The following ANXA4 variants were observed in gnomAD, a reference collection of about 807,000 sequenced individuals.
ANXA4 encodes 35-beta calcimedin.
A neutral mutation model predicts 49.8 loss-of-function variants in ANXA4; 39 were observed. The ratio of observed to expected loss-of-function variants is 0.78; its 90% CI spans 0.61 to 1.02. The LOEUF (loss-of-function observed/expected upper bound fraction) is 1.02, where lower values mean the gene tolerates loss of function less well. Ranked by LOEUF, ANXA4 falls within the 50% of genes least tolerant of loss-of-function variation. The probability of loss-of-function intolerance (pLI) is 0.00; values close to 1 mark genes in which losing one functional copy is unlikely to be tolerated. For synonymous variants in ANXA4, 134 were observed against 152.5 expected (o/e 0.88, Z 0.89); for missense variants, 360 against 410.1 (o/e 0.88, Z 1.05).
At chr2:69,697,139 C>T (rs546931942) in intron 2 of ANXA4, among the ~76,000 whole-genome samples, 6 of 152,298 alleles carry the variant, frequency 3.9e-5, no homozygotes, top group East Asian at 1.9e-4. Flanking sequence ...TCATCTCCAT[C>T]GAAAATCTAT....
rs114076538 is a variant in ANXA4 at position 69,652,423 on chromosome 2, T to C, written n.482-575T>C. Among the ~76,000 whole-genome samples, 961 of 152,346 alleles carry C rather than the reference T, an allele frequency of 6.3e-3. 14 individuals carry two copies. Among genetic ancestry groups the C allele is most frequent in the African/African-American group, 0.022 (903 of 41,588 alleles). ...CATCCTTAGATGAGCAGTGTTGCTA[T>C]GAGTCAATCTTTTTCTTTTAAAGAC... On this transcript the variant is annotated intron_variant and non_coding_transcript_variant, in intron 1 of 3. Coordinates refer to the ANXA4 transcript ENST00000418066.
intron 2 of ANXA4, among the ~76,000 whole-genome samples, chr2:69,680,556 C>T (rs1324038629): frequency 6.6e-6 from 1 of 152,106 alleles, no homozygotes; most frequent in East Asian, 1.9e-4. Context: ...AGGAGTGGTG[C>T]AAGTGGGCAT....
intron 2 of ANXA4, among the ~76,000 whole-genome samples, chr2:69,659,173 T>C (rs944003297): frequency 3.3e-5 from 5 of 152,206 alleles, no homozygotes; most frequent in African/African-American, 9.7e-5. Flanking sequence ...AATACAAATA[T>C]GTGTTCATAT....
rs573067420 is a variant in ANXA4 at position 69,714,943 on chromosome 2, C to A, written n.767-5831C>A. On this transcript the variant is annotated intron_variant and non_coding_transcript_variant, in intron 2 of 3. Transcript: ENST00000418066. The stretch of plus-strand genomic sequence containing the variant: ...TCCCTCCAGGGTGACACAGTGAAGT[C>A]AAGTAACAGATGTGGAGATGCTTTG... Among the ~76,000 whole-genome samples the A allele has an allele frequency of 1.0e-3, 154 of 152,252 alleles. 3 individuals carry two copies. The South Asian group carries it at 0.031, about 31-fold the overall frequency.
At position 69,804,542 on chromosome 2, in the gene ANXA4, A is replaced by G. The variant is rs1175309124; in HGVS notation, c.107A>G (p.Glu36Gly). Residue 36 changes from glutamate (E) to glycine (G), a missense_variant, in exon 4 of 13, where the codon GAA becomes GGA. Glu to Gly is a moderately conservative substitution (Grantham distance 98). Transcript: ENST00000394295. ...RKAMKGLGTDEDAIISVLAYR... is the reference protein window; with the variant it reads ...RKAMKGLGTDGDAIISVLAYR... ...TCCCTTCTTCCCCCAGGCACCGATG[A>G]AGACGCCATTATTAGCGTCCTTGCC... is the stretch of plus-strand genomic sequence containing the variant. The G allele has an allele frequency of 6.2e-7, 1 of 1,613,838 alleles. No homozygotes were observed. Among genetic ancestry groups the G allele is most frequent in the Non-Finnish European group, 8.5e-7 (1 of 1,179,852 alleles).
chr2:69,805,486 A>T lies in ANXA4; in HGVS notation c.192+859A>T, dbSNP rs540037813. Reference sequence around the variant, plus strand: ...CTGGGCATGGTGGTGGGCACCTGTAATCCCAGCTACTTGGGAGACTGAGGC... The same window carrying T: ...CTGGGCATGGTGGTGGGCACCTGTATTCCCAGCTACTTGGGAGACTGAGGC... On this transcript the variant is annotated intron_variant, in intron 4 of 12. Coordinates refer to ENST00000394295, the MANE Select transcript of ANXA4 (RefSeq NM_001153.5). 5.1e-3 allele frequency among the ~76,000 whole-genome samples: 775 copies of T among 152,108 alleles called. 9 individuals carry two copies. The highest frequency in any genetic ancestry group is 0.018 in the African/African-American group (737 of 41,492).
intron 2 of ANXA4, among the ~76,000 whole-genome samples, chr2:69,677,495 G>C (rs1559070984): frequency 2.0e-5 from 3 of 152,172 alleles, no homozygotes; most frequent in Non-Finnish European, 2.9e-5. Context: ...CTCCCAAAGT[G>C]CTGGGATTAC....
At chr2:69,773,364 C>T (rs1253715740) in intron 1 of ANXA4, among the ~76,000 whole-genome samples, 3 of 152,108 alleles carry the variant, frequency 2.0e-5, no homozygotes, top group African/African-American at 7.2e-5. Flanking sequence ...TATTCCAAAA[C>T]TACATGAAAG....
At chr2:69,728,255 C>A (rs970094781) in intron 3 of ANXA4, among the ~76,000 whole-genome samples, 3 of 152,062 alleles carry the variant, frequency 2.0e-5, no homozygotes, top group Admixed American at 1.3e-4. Context: ...GCTTTTACTT[C>A]GTTGCTTCTC....
chr2:69,648,389 C>A (rs1228313160), intron 1 of ANXA4, among the ~76,000 whole-genome samples: 1 of 152,136 alleles, frequency 6.6e-6, no homozygotes, highest in Non-Finnish European at 1.5e-5. Context: ...GGGGCCCCAT[C>A]CAGACCTACT....
intron 1 of ANXA4, among the ~76,000 whole-genome samples, chr2:69,647,323 A>G (rs1053445243): frequency 6.6e-6 from 1 of 152,102 alleles, no homozygotes; most frequent in African/African-American, 2.4e-5. Context: ...AACACTATGT[A>G]TCTTCCATAT....
chr2:69,781,202 T>C, intron 1 of ANXA4: 2 of 342,514 alleles, frequency 5.8e-6, no homozygotes, highest in South Asian at 6.7e-5. Context: ...AACATTCAGT[T>C]CAGAATCTGT....
intron 1 of ANXA4, among the ~76,000 whole-genome samples, chr2:69,763,766 A>G (rs1411747792): frequency 1.3e-5 from 2 of 151,130 alleles, no homozygotes; most frequent in African/African-American, 2.4e-5. Context: ...GGGTTCAAGC[A>G]ATTCTCCTGT....
chr2:69,661,649 G>T (rs1009656141), intron 2 of ANXA4, among the ~76,000 whole-genome samples: 6 of 152,156 alleles, frequency 3.9e-5, no homozygotes, highest in Admixed American at 2.6e-4. Flanking sequence ...AAAGCACGTG[G>T]ACAGGTGATA....
In ANXA4 at chr2:69,793,049, C is replaced by G. The variant is rs371840084; in HGVS notation, c.97+4908C>G. ...CGGGCGGATCACGAGGTCAGGAGAT[C>G]GAGACCATCCTGGCCAACATGGTGA... On this transcript the variant is annotated intron_variant, in intron 3 of 12. Coordinates refer to ENST00000394295, the MANE Select transcript of ANXA4 (RefSeq NM_001153.5). Among the ~76,000 whole-genome samples, 33 of 151,310 alleles carry G rather than the reference C, an allele frequency of 2.2e-4. No individual in the cohort carries two copies. In the East Asian group the frequency reaches 2.9e-3, roughly 13 times the overall value.
intron 1 of ANXA4, among the ~76,000 whole-genome samples, chr2:69,770,111 G>C (rs573971918): frequency 1.3e-5 from 2 of 152,304 alleles, no homozygotes; most frequent in East Asian, 1.9e-4. Flanking sequence ...ATTTAAGATG[G>C]CCTAGTAGGC....
intron 3 of ANXA4, among the ~76,000 whole-genome samples, chr2:69,722,443 C>T (rs1244814153): frequency 6.6e-6 from 1 of 152,164 alleles, no homozygotes; most frequent in Non-Finnish European, 1.5e-5. Flanking sequence ...CCATATAAAG[C>T]AGTGAAGTTC....
intron 2 of ANXA4, among the ~76,000 whole-genome samples, chr2:69,672,265 T>C (rs1333164983): frequency 6.6e-6 from 1 of 152,198 alleles, no homozygotes; most frequent in African/African-American, 2.4e-5. Flanking sequence ...AGAATGTCGC[T>C]CTGTCACCCA....
At chr2:69,703,070 A>C (rs1210728057) in intron 2 of ANXA4, among the ~76,000 whole-genome samples, 1 of 152,176 alleles carries the variant, frequency 6.6e-6, no homozygotes, top group East Asian at 1.9e-4. Context: ...CAGGGTAATC[A>C]GAGCCAAGAG....
Sources: allele counts gnomAD v4.1 joint callset (sites outside exome capture counted in the v4.1 genomes callset), GRCh38; gene constraint gnomAD v4.1.1; transcripts MANE v1.5; gene names NCBI Gene and HGNC (gene_info 2026-07-23, HGNC 2026-07-21).